SACM1L: variants seen among roughly 807,000 people sequenced by gnomAD.
SACM1L encodes SAC1 like phosphatidylinositide phosphatase.
In SACM1L, 32 loss-of-function variants were observed where a neutral mutation model predicts 89.5. That is an observed-to-expected ratio of 0.36 (90% CI 0.27 to 0.48). SACM1L has a LOEUF of 0.48. Among genes scored for constraint, SACM1L ranks in the 20% least tolerant of loss-of-function variants. The pLI is 0.99. For missense variants in SACM1L, 543 were observed against 708.5 expected, an observed-to-expected ratio of 0.77 and a Z score of 2.65; for synonymous variants, 213 against 232.8, an observed-to-expected ratio of 0.92 and a Z score of 0.77.
chr3:45,719,655 T>C (rs113666201), intron 8 of SACM1L, 54 bp downstream of exon 8: 4 of 982,768 alleles, frequency 4.1e-6, no homozygotes, highest in Non-Finnish European at 1.6e-6. Flanking sequence ...TGTCTTACGG[T>C]GACACGAATG....
At chr3:45,728,247 A>G (rs1422809408) in intron 11 of SACM1L, among the ~76,000 whole-genome samples, 1 of 152,122 alleles carries the variant, frequency 6.6e-6, no homozygotes, top group Non-Finnish European at 1.5e-5. Context: ...TTGCCAGTCT[A>G]CTTATTTTTA....
At chr3:45,737,954 C>T in intron 16 of SACM1L, 110 bp downstream of exon 16, 3 of 836,588 alleles carry the variant, frequency 3.6e-6, no homozygotes, top group Non-Finnish European at 5.9e-6. Context: ...AGCAAGACTC[C>T]AGCATCTGGG....
intron 1 of SACM1L, among the ~76,000 whole-genome samples, chr3:45,691,534 G>C (rs1457507440): frequency 1.3e-5 from 2 of 152,102 alleles, no homozygotes; most frequent in East Asian, 3.8e-4. Flanking sequence ...ATGCAAAAGA[G>C]ATAGTTCGAT....
At chr3:45,739,818 G>A (rs1699277774) in intron 19 of SACM1L, 174 bp downstream of exon 19, 1 of 648,304 alleles carries the variant, frequency 1.5e-6, no homozygotes, top group Non-Finnish European at 2.7e-6. Context: ...AACATACCTA[G>A]TAGTTTGATG....
intron 7 of SACM1L, among the ~76,000 whole-genome samples, chr3:45,719,039 C>G (rs976130483): frequency 2.0e-5 from 3 of 152,098 alleles, no homozygotes; most frequent in Admixed American, 2.0e-4. Flanking sequence ...ATATGCTTAC[C>G]AGCTGTTACA....
chr3:45,738,135 T>C (rs1385588395), intron 16 of SACM1L, among the ~76,000 whole-genome samples: 1 of 152,228 alleles, frequency 6.6e-6, no homozygotes, highest in African/African-American at 2.4e-5. Context: ...AGATGTGCTC[T>C]AAAAAGCACC....
At chr3:45,730,059 C>T (rs1212274531) in intron 11 of SACM1L, among the ~76,000 whole-genome samples, 2 of 151,926 alleles carry the variant, frequency 1.3e-5, no homozygotes, top group Non-Finnish European at 2.9e-5. Context: ...TTCCCCTTAG[C>T]TCTTTGAGTG....
intron 3 of SACM1L, 137 bp downstream of exon 3, chr3:45,705,346 C>A: frequency 2.3e-6 from 1 of 436,010 alleles, no homozygotes; most frequent in Non-Finnish European, 4.1e-6. Flanking sequence ...AAGTATTTAT[C>A]ATTAATTTTT....
At chr3:45,696,813 A>G (rs1161236107) in intron 1 of SACM1L, among the ~76,000 whole-genome samples, 2 of 152,224 alleles carry the variant, frequency 1.3e-5, no homozygotes, top group Non-Finnish European at 2.9e-5. Context: ...AAATGTTTTC[A>G]GACACTAGAA....
In SACM1L at chr3:45,709,479, G is replaced by T; in HGVS notation, c.334-19G>T. ...TTCCTTTTCAATTATGAGCTATACTGATTTTTCTTTGTTTATAGTTACAAG... is the reference window on the plus strand; with the variant it reads ...TTCCTTTTCAATTATGAGCTATACTTATTTTTCTTTGTTTATAGTTACAAG... On this transcript the variant is annotated intron_variant, in intron 4 of 19. Transcript: ENST00000389061. 5 of 1,588,472 alleles carry T rather than the reference G, an allele frequency of 3.1e-6. No individual in the cohort carries two copies. The South Asian group carries it at 5.7e-5, about 18-fold the overall frequency.
At chr3:45,726,110 C>T (rs2742458) in intron 11 of SACM1L, among the ~76,000 whole-genome samples, 95,613 of 151,814 alleles carry the variant, frequency 0.63, 30,536 homozygotes, top group Non-Finnish European at 0.66. Flanking sequence ...TAGTGTTTGG[C>T]TGGGGATTTT....
At chr3:45,728,849 T>G (rs1183187881) in intron 11 of SACM1L, among the ~76,000 whole-genome samples, 1 of 152,052 alleles carries the variant, frequency 6.6e-6, no homozygotes, top group East Asian at 1.9e-4. Flanking sequence ...ATTTTTTTGT[T>G]TTTTATAGAG....
Position 45,745,164 on chromosome 3 carries a change from C to T in SACM1L, c.*1495C>T, listed in dbSNP as rs1360155424. ...TTGTTCCAAAGATGGAATATTGAAA[C>T]TTAGTTCATGTCTGCTGTAAAATAT... On this transcript the variant is annotated 3_prime_UTR_variant, in exon 20 of 20. Transcript: ENST00000389061. The T allele has an allele frequency of 6.6e-6, 1 of 152,434 alleles. No homozygotes were observed. The highest frequency in any genetic ancestry group is 1.5e-5 in the Non-Finnish European group (1 of 68,024). The allele number at this position is 152,434 out of a possible 1,614,324, so 9.4% of individuals were successfully genotyped here. A position where few individuals can be genotyped will look rare whatever the true frequency, so the allele number is the denominator to read the frequency against.
Position 45,706,772 on chromosome 3 carries a change from T to C in SACM1L, c.206-8T>C. On this transcript the variant is annotated splice_region_variant and splice_polypyrimidine_tract_variant and intron_variant, in intron 3 of 19. Transcript: ENST00000389061. Reference sequence around the variant, plus strand: ...TATAATTATGTGTGTTTGGCTTGCTTTTTGCAGGTAATTATCTTATAGTCA... The same window carrying C: ...TATAATTATGTGTGTTTGGCTTGCTCTTTGCAGGTAATTATCTTATAGTCA... 6.3e-7 allele frequency: 1 copy of C among 1,592,872 alleles called. No homozygotes were observed. The highest frequency in any genetic ancestry group is 1.8e-4 in the Middle Eastern group (1 of 5,662).
intron 8 of SACM1L, among the ~76,000 whole-genome samples, chr3:45,720,556 GCA>G (rs1698765941): frequency 1.3e-5 from 2 of 151,948 alleles, no homozygotes; most frequent in African/African-American, 4.8e-5. Context: ...AATATTCTGT[GCA>G]CATTTTTCTG....
intron 7 of SACM1L, among the ~76,000 whole-genome samples, chr3:45,719,013 T>C (rs1247542671): frequency 1.3e-5 from 2 of 152,202 alleles, no homozygotes; most frequent in Non-Finnish European, 2.9e-5. Flanking sequence ...TAATTCACTT[T>C]GATCTGTGAA....
chr3:45,711,493 C>T (rs375473117), intron 5 of SACM1L, among the ~76,000 whole-genome samples: 23 of 151,728 alleles, frequency 1.5e-4, no homozygotes, highest in East Asian at 5.8e-4. Flanking sequence ...TCAGGTGTGG[C>T]GGCACGCACC....
chr3:45,700,790 A>C (rs2125684209), intron 1 of SACM1L, among the ~76,000 whole-genome samples: 1 of 152,330 alleles, frequency 6.6e-6, no homozygotes, highest in Non-Finnish European at 1.5e-5. Flanking sequence ...CTCATGCCTT[A>C]GCCTCCCAAT....
At chr3:45,698,874 G>A (rs949448431) in intron 1 of SACM1L, among the ~76,000 whole-genome samples, 4 of 152,032 alleles carry the variant, frequency 2.6e-5, no homozygotes, top group African/African-American at 2.4e-5. Context: ...TCAAGCAAGC[G>A]ATTCCCCTGT....
Sources: allele counts gnomAD v4.1 joint callset (sites outside exome capture counted in the v4.1 genomes callset), GRCh38; gene constraint gnomAD v4.1.1; transcripts MANE v1.5; gene names NCBI Gene and HGNC (gene_info 2026-07-23, HGNC 2026-07-21).